Variants in OCA2 observed in about 807,000 individuals in gnomAD.
OCA2 encodes OCA2 melanosomal transmembrane protein.
Under a neutral mutation model 100.2 loss-of-function variants are expected in OCA2, and 77 were observed. The observed-to-expected ratio is 0.77, with a 90% CI of 0.64 to 0.93. OCA2 has a LOEUF of 0.93. Ranked by LOEUF, OCA2 falls within the 40% of genes least tolerant of loss-of-function variation. The pLI is 0.00. For synonymous variants in OCA2, 432 were observed against 439.2 expected (o/e 0.98, Z 0.21); for missense variants, 1,062 against 1,089.1 (o/e 0.98, Z 0.35).
chr15:27,823,860 A>C (rs990228880), intron 23 of OCA2, among the ~76,000 whole-genome samples: 2 of 152,218 alleles, frequency 1.3e-5, no homozygotes, highest in Non-Finnish European at 2.9e-5. Context: ...GAGCATTTTG[A>C]AGCAACAAAA....
At chr15:27,867,758 T>G (rs2036382366) in intron 21 of OCA2, among the ~76,000 whole-genome samples, 1 of 152,244 alleles carries the variant, frequency 6.6e-6, no homozygotes, top group Non-Finnish European at 1.5e-5. Flanking sequence ...ACGACATGCT[T>G]ATGTATGTTA....
intron 17 of OCA2, among the ~76,000 whole-genome samples, chr15:27,954,290 A>C (rs1390924061): frequency 6.6e-6 from 1 of 152,184 alleles, no homozygotes; most frequent in African/African-American, 2.4e-5. Flanking sequence ...ACTCATGACT[A>C]AAACACCACA....
chr15:28,076,420 G>A (rs980272379), intron 2 of OCA2, among the ~76,000 whole-genome samples: 1 of 152,050 alleles, frequency 6.6e-6, no homozygotes, highest in Non-Finnish European at 1.5e-5. Flanking sequence ...AAGACCAAAA[G>A]GTAATTAGCT....
Position 27,861,008 on chromosome 15 carries a change from G to C in OCA2, c.2245-9533C>G, listed in dbSNP as rs1328881269. 3.3e-5 allele frequency among the ~76,000 whole-genome samples: 5 copies of C among 152,198 alleles called. No homozygotes were observed. The South Asian group carries it at 1.0e-3, about 32-fold the overall frequency. ...GTGGACCACAGGCTCTCAGGAGCAG[G>C]GCAAGAGTGGAAACAAAAGGAAGAA... On this transcript the variant is annotated intron_variant, in intron 21 of 23. Transcript: ENST00000354638.
chr15:28,045,044 T>C (rs2043309026), intron 2 of OCA2, among the ~76,000 whole-genome samples: 1 of 152,232 alleles, frequency 6.6e-6, no homozygotes, highest in Non-Finnish European at 1.5e-5. Context: ...ATAATGTGAT[T>C]AGAAATATAT....
At chr15:27,850,570 C>T (rs1424170213) in intron 22 of OCA2, among the ~76,000 whole-genome samples, 1 of 152,118 alleles carries the variant, frequency 6.6e-6, no homozygotes, top group Non-Finnish European at 1.5e-5. Context: ...CACTGACTTA[C>T]ATGAATTAGC....
At chr15:27,949,699 A>G (rs1422468899) in intron 18 of OCA2, among the ~76,000 whole-genome samples, 1 of 152,214 alleles carries the variant, frequency 6.6e-6, no homozygotes, top group Admixed American at 6.5e-5. Context: ...ATTTAAAAAA[A>G]TTAAAAAGAA....
intron 2 of OCA2, among the ~76,000 whole-genome samples, chr15:28,057,036 AGCAT>A (rs1198204735): frequency 6.6e-6 from 1 of 152,204 alleles, no homozygotes; most frequent in African/African-American, 2.4e-5. Flanking sequence ...CCCATAGGAA[AGCAT>A]GCTTTAGGTT....
chr15:27,771,270 G>T (rs1044838765), intron 23 of OCA2, among the ~76,000 whole-genome samples: 1 of 151,560 alleles, frequency 6.6e-6, no homozygotes, highest in Non-Finnish European at 1.5e-5. Flanking sequence ...ACTCTCCACC[G>T]CGGTCCCGCC....
At chr15:27,951,163 CCT>C (rs2040014049) in intron 18 of OCA2, among the ~76,000 whole-genome samples, 1 of 152,146 alleles carries the variant, frequency 6.6e-6, no homozygotes, top group Non-Finnish European at 1.5e-5. Context: ...GTGAGCTCCC[CCT>C]GAGAGAGCCA....
chr15:28,054,586 C>T (rs2043629312), intron 2 of OCA2, among the ~76,000 whole-genome samples: 1 of 152,146 alleles, frequency 6.6e-6, no homozygotes, highest in Non-Finnish European at 1.5e-5. Flanking sequence ...ATGTTGCTGC[C>T]ATAGAGATAC....
intron 23 of OCA2, among the ~76,000 whole-genome samples, chr15:27,824,839 G>A (rs559409575): frequency 4.0e-5 from 6 of 151,584 alleles, no homozygotes; most frequent in Admixed American, 1.3e-4. Flanking sequence ...TCCCTCTGCC[G>A]AAGACAGGCC....
chr15:27,941,998 C>G (rs1480035597), intron 18 of OCA2, among the ~76,000 whole-genome samples: 1 of 152,046 alleles, frequency 6.6e-6, no homozygotes, highest in African/African-American at 2.4e-5. Context: ...ATCAAGGACA[C>G]ACACAATAAC....
intron 2 of OCA2, among the ~76,000 whole-genome samples, chr15:28,081,121 T>C (rs1442612170): frequency 6.6e-6 from 1 of 152,030 alleles, no homozygotes; most frequent in Non-Finnish European, 1.5e-5. Flanking sequence ...GGTGGAAAAG[T>C]AACTATTGGG....
At chr15:27,888,005 A>G (rs961959802) in intron 19 of OCA2, among the ~76,000 whole-genome samples, 12 of 152,156 alleles carry the variant, frequency 7.9e-5, no homozygotes, top group African/African-American at 2.9e-4. Context: ...GTCAAGAGCC[A>G]TGTGCTCATC....
At chr15:27,892,951 G>A (rs1331137398) in intron 19 of OCA2, among the ~76,000 whole-genome samples, 2 of 152,030 alleles carry the variant, frequency 1.3e-5, no homozygotes, top group Non-Finnish European at 2.9e-5. Flanking sequence ...TCACAAATTT[G>A]GCAACTAAAA....
chr15:27,971,495 T>C (rs1269160007), intron 14 of OCA2, among the ~76,000 whole-genome samples: 1 of 152,120 alleles, frequency 6.6e-6, no homozygotes, highest in Non-Finnish European at 1.5e-5. Context: ...GCGTGGATGC[T>C]ACAGCCAGGC....
At chr15:28,021,773 C>A (rs527544090) in intron 6 of OCA2, among the ~76,000 whole-genome samples, 1 of 152,072 alleles carries the variant, frequency 6.6e-6, no homozygotes, top group East Asian at 1.9e-4. Flanking sequence ...AGCCAGAGGG[C>A]GCAGTGGGAA....
intron 21 of OCA2, among the ~76,000 whole-genome samples, chr15:27,869,339 G>A (rs1382969193): frequency 6.6e-6 from 1 of 152,208 alleles, no homozygotes; most frequent in Non-Finnish European, 1.5e-5. Context: ...AGACTCCAGG[G>A]GAAGAACAGA....
Sources: allele counts gnomAD v4.1 joint callset (sites outside exome capture counted in the v4.1 genomes callset), GRCh38; gene constraint gnomAD v4.1.1; transcripts MANE v1.5; gene names NCBI Gene and HGNC (gene_info 2026-07-23, HGNC 2026-07-21).